The following ARHGAP6 variants were observed in gnomAD, a reference collection of about 807,000 sequenced individuals.
The protein encoded by ARHGAP6 is Rho GTPase activating protein 6.
ARHGAP6 carries 16 observed loss-of-function variants against 55.7 expected under a neutral mutation model. That is an observed-to-expected ratio of 0.29 (90% confidence interval 0.19 to 0.44). The LOEUF is 0.44. ARHGAP6 is among the 20% of genes least tolerant of loss of function. The probability of loss-of-function intolerance (pLI) is 1.00; values close to 1 mark genes in which losing one functional copy is unlikely to be tolerated. For synonymous variants in ARHGAP6, 382 were observed against 360.9 expected, an observed-to-expected ratio of 1.06 and a Z score of -0.66; for missense variants, 698 against 808.9, an observed-to-expected ratio of 0.86 and a Z score of 1.66.
chrX:11,340,238 C>T (rs914969302), intron 1 of ARHGAP6, among the ~76,000 whole-genome samples: 4 of 111,903 alleles, frequency 3.6e-5, no homozygotes, highest in Non-Finnish European at 7.5e-5. Flanking sequence ...TGAAGCTCTG[C>T]CTATCTATCT....
chrX:11,277,734 G>C (rs952622595), intron 1 of ARHGAP6, among the ~76,000 whole-genome samples: 7 of 108,882 alleles, frequency 6.4e-5, no homozygotes, highest in Non-Finnish European at 1.3e-4. Context: ...CCCTGTAATG[G>C]CTATACCACA....
chrX:11,397,184 C>G (rs928369186), intron 1 of ARHGAP6, among the ~76,000 whole-genome samples: 1 of 111,774 alleles, frequency 8.9e-6, no homozygotes, highest in Admixed American at 9.5e-5. Context: ...TCAGATCTCT[C>G]TCCTACAAGG....
intron 1 of ARHGAP6, among the ~76,000 whole-genome samples, chrX:11,586,027 C>A (rs2051729485): frequency 9.0e-6 from 1 of 111,554 alleles, no homozygotes; most frequent in African/African-American, 3.3e-5. Flanking sequence ...AAACCGCCCC[C>A]ATGATCCAAT....
At chrX:11,229,309 T>C (rs1203659553) in intron 2 of ARHGAP6, among the ~76,000 whole-genome samples, 4 of 112,381 alleles carry the variant, frequency 3.6e-5, no homozygotes, top group East Asian at 2.8e-4. Flanking sequence ...GAGCAGGATA[T>C]ATAAATGTCA....
chrX:11,616,781 G>A (rs1336646025), intron 1 of ARHGAP6, among the ~76,000 whole-genome samples: 7 of 111,657 alleles, frequency 6.3e-5, no homozygotes, highest in Non-Finnish European at 1.3e-4. Context: ...GACTTTTTTG[G>A]TTGTCACAAC....
chrX:11,405,031 T>G (rs949499321), intron 1 of ARHGAP6, among the ~76,000 whole-genome samples: 1 of 112,301 alleles, frequency 8.9e-6, no homozygotes, highest in African/African-American at 3.2e-5. Context: ...CAATCCATTA[T>G]GACTGTTATA....
At chrX:11,466,514 C>T (rs997290825) in intron 1 of ARHGAP6, among the ~76,000 whole-genome samples, 4 of 110,144 alleles carry the variant, frequency 3.6e-5, no homozygotes, top group Non-Finnish European at 7.6e-5. Flanking sequence ...CTTTTTGTTT[C>T]TCTCTATAGA....
intron 1 of ARHGAP6, among the ~76,000 whole-genome samples, chrX:11,416,136 C>T (rs926884303): frequency 1.8e-5 from 2 of 111,558 alleles, no homozygotes; most frequent in Non-Finnish European, 3.8e-5. Flanking sequence ...CCCTCCCCCA[C>T]CTGCGGCAGC....
chrX:11,329,084 T>G (rs2048532256), intron 1 of ARHGAP6, among the ~76,000 whole-genome samples: 1 of 112,102 alleles, frequency 8.9e-6, no homozygotes, highest in African/African-American at 3.2e-5. Context: ...CCTATCATCT[T>G]TGCAATTCGA....
chrX:11,185,632 G>A (rs904666552), intron 5 of ARHGAP6, among the ~76,000 whole-genome samples: 10 of 112,149 alleles, frequency 8.9e-5, no homozygotes, highest in African/African-American at 3.2e-4. Flanking sequence ...TAAGCCAGAA[G>A]TCTAAATTTC....
chrX:11,353,277 GAATTTCCCTCTCT>G (rs1262846900), intron 1 of ARHGAP6, among the ~76,000 whole-genome samples: 1 of 111,970 alleles, frequency 8.9e-6, no homozygotes, highest in South Asian at 3.7e-4. Context: ...AGGCAACAAA[GAATTTCCCTCTCT>G]AAGTTAGGCT....
At chrX:11,411,546 AGT>A (rs2049688142) in intron 1 of ARHGAP6, among the ~76,000 whole-genome samples, 1 of 109,595 alleles carries the variant, frequency 9.1e-6, no homozygotes, top group Non-Finnish European at 1.9e-5. Flanking sequence ...GTTTCTTAGA[AGT>A]CTGGTGTCTA....
chrX:11,230,818 T>A (rs901116402), intron 2 of ARHGAP6, among the ~76,000 whole-genome samples: 2 of 111,116 alleles, frequency 1.8e-5, no homozygotes, highest in African/African-American at 6.6e-5. Flanking sequence ...AACAAATTGA[T>A]CTGAAGGTCT....
chrX:11,509,579 C>T (rs918869999), intron 1 of ARHGAP6, among the ~76,000 whole-genome samples: 1 of 111,875 alleles, frequency 8.9e-6, no homozygotes, highest in Non-Finnish European at 1.9e-5. Flanking sequence ...CTCAGTCCTC[C>T]CTGATATTTT....
At chrX:11,208,098 C>A (rs373295577) in intron 2 of ARHGAP6, among the ~76,000 whole-genome samples, 2 of 111,813 alleles carry the variant, frequency 1.8e-5, no homozygotes, top group Non-Finnish European at 3.8e-5. Flanking sequence ...CCTCCATTTA[C>A]CCTTTCATTA....
chrX:11,355,456 C>A (rs1456701473), intron 1 of ARHGAP6, among the ~76,000 whole-genome samples: 1 of 112,095 alleles, frequency 8.9e-6, no homozygotes, highest in Non-Finnish European at 1.9e-5. Context: ...AAATGCTGAC[C>A]TAAAATATTT....
intron 1 of ARHGAP6, among the ~76,000 whole-genome samples, chrX:11,600,884 C>T (rs757016492): frequency 8.9e-6 from 1 of 111,738 alleles, no homozygotes; most frequent in South Asian, 3.7e-4. Context: ...CTGCTGGGGA[C>T]CTTTGCGAGC....
intron 1 of ARHGAP6, among the ~76,000 whole-genome samples, chrX:11,422,179 G>C (rs1350630827): frequency 1.8e-5 from 2 of 111,061 alleles, no homozygotes; most frequent in African/African-American, 6.6e-5. Context: ...ATATGATCCA[G>C]GGTAACTGAG....
intron 1 of ARHGAP6, among the ~76,000 whole-genome samples, chrX:11,476,228 C>T (rs1057449236): frequency 9.0e-6 from 1 of 110,769 alleles, no homozygotes; most frequent in African/African-American, 3.3e-5. Context: ...ATATCCAAAA[C>T]CAACTGAATT....
Sources: gnomAD v4.1 joint callset for allele counts (sites outside exome capture counted in the v4.1 genomes callset) on GRCh38, gnomAD v4.1.1 for gene constraint, MANE v1.5 for transcripts, NCBI Gene and HGNC (gene_info 2026-07-23, HGNC 2026-07-21) for gene names.